Variants in CBFB observed in about 807,000 individuals in gnomAD.
CBFB encodes core-binding factor subunit beta.
A neutral mutation model predicts 30.4 loss-of-function variants in CBFB; 9 were observed. That is an observed-to-expected ratio of 0.30 (90% confidence interval 0.18 to 0.52). The LOEUF is 0.52. CBFB is among the 20% of genes least tolerant of loss of function. CBFB has a pLI of 0.97. For missense variants in CBFB, 170 were observed against 244.0 expected, an observed-to-expected ratio of 0.70 and a Z score of 2.02; for synonymous variants, 94 against 84.0, an observed-to-expected ratio of 1.12 and a Z score of -0.65.
intron 4 of CBFB, among the ~76,000 whole-genome samples, chr16:67,070,020 A>G (rs1017769680): frequency 6.6e-6 from 1 of 152,190 alleles, no homozygotes; most frequent in African/African-American, 2.4e-5. Context: ...AAAGCACCTG[A>G]TTATTAGCAG....
chr16:67,059,730 C>A (rs1960837714), intron 3 of CBFB, among the ~76,000 whole-genome samples: 1 of 152,104 alleles, frequency 6.6e-6, no homozygotes, highest in South Asian at 2.1e-4. Context: ...TGGACTTGCT[C>A]CAGATTCTTC....
At chr16:67,073,165 G>C (rs1226994496) in intron 4 of CBFB, among the ~76,000 whole-genome samples, 1 of 152,130 alleles carries the variant, frequency 6.6e-6, no homozygotes, top group African/African-American at 2.4e-5. Context: ...TGAAGTATCT[G>C]GTAAACTAAG....
intron 3 of CBFB, among the ~76,000 whole-genome samples, chr16:67,038,380 A>G (rs1051506160): frequency 1.3e-5 from 2 of 151,848 alleles, no homozygotes; most frequent in African/African-American, 2.4e-5. Flanking sequence ...GTGTGTATGT[A>G]TATACATATA....
At chr16:67,063,464 CAG>C (rs887864112) in intron 3 of CBFB, among the ~76,000 whole-genome samples, 3 of 151,764 alleles carry the variant, frequency 2.0e-5, no homozygotes, top group African/African-American at 7.3e-5. Context: ...TTTTTTGAGA[CAG>C]AGTCTTGCTC....
chr16:67,029,873 AG>A (rs1314911729), intron 2 of CBFB, 60 bp downstream of exon 2: 196 of 1,248,048 alleles, frequency 1.6e-4, no homozygotes, highest in Non-Finnish European at 2.0e-4. Context: ...GCGGCGGCCC[AG>A]GCCGGTTCCG....
intron 4 of CBFB, among the ~76,000 whole-genome samples, chr16:67,080,521 G>C (rs1458259043): frequency 6.6e-6 from 1 of 152,196 alleles, no homozygotes; most frequent in African/African-American, 2.4e-5. Context: ...AAAAAGAGTA[G>C]AGAAGAAAGT....
rs909736069 is a variant in CBFB, at chr16:67,029,394, C to G, written c.-14C>G. On this transcript the variant is annotated 5_prime_UTR_variant, in exon 1 of 6. Transcript: ENST00000412916. Reference sequence around the variant, plus strand: ...CCCGAGCGCGGCCGGCCGGCGCGGCCTCAGGGCGGGAAGATGCCGCGCGTC... The same window carrying G: ...CCCGAGCGCGGCCGGCCGGCGCGGCGTCAGGGCGGGAAGATGCCGCGCGTC... 6.6e-7 allele frequency: 1 copy of G among 1,525,918 alleles called. No homozygotes were observed. 94.5% of individuals were successfully genotyped at this position (1,525,918 alleles called of 1,614,324 possible). A position where few individuals can be genotyped will look rare whatever the true frequency, so the allele number is the denominator to read the frequency against.
At chr16:67,036,029 T>G (rs998987182) in intron 2 of CBFB, among the ~76,000 whole-genome samples, 1 of 152,146 alleles carries the variant, frequency 6.6e-6, no homozygotes, top group Non-Finnish European at 1.5e-5. Context: ...CTTTTCTCTT[T>G]GTTGTAGTCA....
chr16:67,068,962 C>T (rs976438480), intron 4 of CBFB, among the ~76,000 whole-genome samples: 5 of 152,126 alleles, frequency 3.3e-5, no homozygotes, highest in African/African-American at 1.2e-4. Flanking sequence ...TGCCTATAAT[C>T]CCAGCACTTT....
rs530178797 is a variant in CBFB, at chr16:67,075,250, T to C, written c.400-6963T>C. 1.7e-4 allele frequency among the ~76,000 whole-genome samples: 25 copies of C among 148,702 alleles called. No homozygotes were observed. The South Asian group carries it at 4.9e-3, about 29-fold the overall frequency. ...GTGTGTGTGTAAAGAACTCTTACAT[T>C]TCAGTGAGAAAATATTTTCATTGAA... On this transcript the variant is annotated intron_variant, in intron 4 of 5. Coordinates refer to ENST00000412916, the MANE Select transcript of CBFB (RefSeq NM_022845.3).
At chr16:67,070,543 G>C (rs1196503777) in intron 4 of CBFB, among the ~76,000 whole-genome samples, 1 of 152,128 alleles carries the variant, frequency 6.6e-6, no homozygotes, top group Non-Finnish European at 1.5e-5. Context: ...AGATTGGATT[G>C]ACTTTTAAAA....
At chr16:67,062,965 A>T (rs368528024) in intron 3 of CBFB, among the ~76,000 whole-genome samples, 1 of 152,146 alleles carries the variant, frequency 6.6e-6, no homozygotes, top group Non-Finnish European at 1.5e-5. Context: ...AGGTGTGCTA[A>T]TAGGTGAAAT....
At chr16:67,052,734 G>T (rs1313466847) in intron 3 of CBFB, among the ~76,000 whole-genome samples, 2 of 152,078 alleles carry the variant, frequency 1.3e-5, no homozygotes, top group Admixed American at 1.3e-4. Context: ...GGTTAAGGAG[G>T]GAGGATTACT....
intron 5 of CBFB, among the ~76,000 whole-genome samples, chr16:67,088,636 C>G (rs1487293601): frequency 6.6e-6 from 1 of 152,158 alleles, no homozygotes; most frequent in African/African-American, 2.4e-5. Context: ...AAGGCTGAGG[C>G]AGAAAAGAAA....
At chr16:67,058,653 A>G (rs117969565) in intron 3 of CBFB, among the ~76,000 whole-genome samples, 1 of 152,330 alleles carries the variant, frequency 6.6e-6, no homozygotes, top group Non-Finnish European at 1.5e-5. Flanking sequence ...AATGGAAATT[A>G]TTATAGGAAA....
chr16:67,037,593 C>G (rs939559749), intron 3 of CBFB, among the ~76,000 whole-genome samples: 2 of 150,328 alleles, frequency 1.3e-5, no homozygotes, highest in East Asian at 1.9e-4. Context: ...GTTAAAGATA[C>G]AAAAATATAG....
chr16:67,059,415 A>T (rs1960826439), intron 3 of CBFB, among the ~76,000 whole-genome samples: 1 of 152,328 alleles, frequency 6.6e-6, no homozygotes, highest in South Asian at 2.1e-4. Context: ...TTTCTATCAT[A>T]ATTGAATCCG....
chr16:67,051,533 AT>A (rs1479142803), intron 3 of CBFB, among the ~76,000 whole-genome samples: 1 of 151,462 alleles, frequency 6.6e-6, no homozygotes, highest in Non-Finnish European at 1.5e-5. Flanking sequence ...TATACTCATT[AT>A]TTTTTCTGGG....
intron 2 of CBFB, among the ~76,000 whole-genome samples, chr16:67,031,379 G>T (rs563976885): frequency 1.3e-5 from 2 of 152,330 alleles, no homozygotes; most frequent in African/African-American, 4.8e-5. Flanking sequence ...TCATTAGCTG[G>T]TGCGATGATC....
Sources: gnomAD v4.1 joint callset for allele counts (sites outside exome capture counted in the v4.1 genomes callset) on GRCh38, gnomAD v4.1.1 for gene constraint, MANE v1.5 for transcripts, NCBI Gene and HGNC (gene_info 2026-07-23, HGNC 2026-07-21) for gene names.